CDC73: variants seen among roughly 807,000 people sequenced by gnomAD.
CDC73 encodes the protein parafibromin.
In CDC73, 21 loss-of-function variants were observed where a neutral mutation model predicts 83.7. The ratio of observed to expected loss-of-function variants is 0.25; its 90% CI spans 0.18 to 0.36. CDC73 has a LOEUF of 0.36. Among genes scored for constraint, CDC73 ranks in the 10% least tolerant of loss-of-function variants. The pLI, the probability that CDC73 is intolerant of heterozygous loss-of-function variation, is 1.00. For missense variants in CDC73, 342 were observed against 653.3 expected, an observed-to-expected ratio of 0.52 and a Z score of 5.19; for synonymous variants, 224 against 212.9, an observed-to-expected ratio of 1.05 and a Z score of -0.45.
intron 10 of CDC73, among the ~76,000 whole-genome samples, chr1:193,152,790 A>G (rs1337813995): frequency 1.3e-5 from 2 of 151,728 alleles, no homozygotes; most frequent in African/African-American, 4.8e-5. Flanking sequence ...TTATTTATTT[A>G]TTTTTTTGAG....
At chr1:193,155,080 G>T (rs996333952) in intron 10 of CDC73, among the ~76,000 whole-genome samples, 1 of 152,098 alleles carries the variant, frequency 6.6e-6, no homozygotes, top group African/African-American at 2.4e-5. Flanking sequence ...TCAGATTTCT[G>T]TTATATGCAA....
At chr1:193,221,401 T>G (rs1038508817) in intron 13 of CDC73, among the ~76,000 whole-genome samples, 1 of 152,100 alleles carries the variant, frequency 6.6e-6, no homozygotes, top group Admixed American at 6.6e-5. Context: ...TGTTTTTTGT[T>G]TTTTTTGGCA....
At chr1:193,153,730 T>C (rs928152438) in intron 10 of CDC73, among the ~76,000 whole-genome samples, 3 of 152,236 alleles carry the variant, frequency 2.0e-5, no homozygotes, top group Non-Finnish European at 4.4e-5. Context: ...TATTAAATTA[T>C]GTGTAGATTA....
In CDC73 at chr1:193,251,192, A is replaced by G; in HGVS notation, c.*480A>G. On this transcript the variant is annotated 3_prime_UTR_variant, in exon 17 of 17. Transcript: ENST00000367435. ...TGAATCAGAATGTCAACTTGTATGT[A>G]CACTATATCTACACTTACTCATTAT... 1 of 239,242 alleles carries G rather than the reference A, an allele frequency of 4.2e-6. No individual in the cohort carries two copies. The allele number at this position is 239,242 out of a possible 1,614,324, so 14.8% of individuals were successfully genotyped here.
At chr1:193,240,759 T>C (rs1677842840) in intron 15 of CDC73, among the ~76,000 whole-genome samples, 1 of 152,244 alleles carries the variant, frequency 6.6e-6, no homozygotes, top group South Asian at 2.1e-4. Context: ...AAGAATAGTT[T>C]GCAGATATTT....
At chr1:193,188,443 G>A (rs1159839097) in intron 10 of CDC73, among the ~76,000 whole-genome samples, 1 of 150,924 alleles carries the variant, frequency 6.6e-6, no homozygotes, top group Admixed American at 6.6e-5. Flanking sequence ...GAAATTGTGG[G>A]ATTTTTTTTT....
chr1:193,163,399 C>G (rs1676376879), intron 10 of CDC73, among the ~76,000 whole-genome samples: 1 of 151,772 alleles, frequency 6.6e-6, no homozygotes, highest in South Asian at 2.1e-4. Flanking sequence ...CTCAGGTACT[C>G]AGGAGGCTGA....
chr1:193,138,666 T>A (rs7551275), intron 6 of CDC73, among the ~76,000 whole-genome samples: 28,905 of 152,080 alleles, frequency 0.19, 2,849 homozygotes, highest in Middle Eastern at 0.24. Flanking sequence ...CTTGAAGTTG[T>A]TTGACAGCTC....
At chr1:193,129,288 G>A (rs1056489221) in intron 2 of CDC73, among the ~76,000 whole-genome samples, 3 of 151,552 alleles carry the variant, frequency 2.0e-5, no homozygotes, top group Admixed American at 2.0e-4. Context: ...GAGCCACTGC[G>A]CCCTGCCTAA....
At chr1:193,175,148 T>C (rs1676580054) in intron 10 of CDC73, among the ~76,000 whole-genome samples, 1 of 152,150 alleles carries the variant, frequency 6.6e-6, no homozygotes, top group Non-Finnish European at 1.5e-5. Context: ...TTTTGGTATA[T>C]AGTACCTTGA....
At chr1:193,123,138 G>A (rs1222788795) in intron 1 of CDC73, among the ~76,000 whole-genome samples, 2 of 152,112 alleles carry the variant, frequency 1.3e-5, no homozygotes. Context: ...AGAACCTTGA[G>A]CTACAACTTC....
chr1:193,197,172 C>A (rs182280067), intron 10 of CDC73, among the ~76,000 whole-genome samples: 2 of 151,134 alleles, frequency 1.3e-5, no homozygotes, highest in Non-Finnish European at 1.5e-5. Context: ...TCTTTTTTTT[C>A]TACATCATTT....
Position 193,251,035 on chromosome 1 carries a change from G to A in CDC73, c.*323G>A, listed in dbSNP as rs1461160623. 8 of 320,238 alleles carry A rather than the reference G, an allele frequency of 2.5e-5. No individual in the cohort carries two copies. Among genetic ancestry groups the A allele is most frequent in the East Asian group, 4.8e-5 (1 of 21,014 alleles). The allele number at this position is 320,238 out of a possible 1,614,324, so 19.8% of individuals were successfully genotyped here. A position where few individuals can be genotyped will look rare whatever the true frequency, so the allele number is the denominator to read the frequency against. On this transcript the variant is annotated 3_prime_UTR_variant, in exon 17 of 17. Coordinates refer to ENST00000367435, the MANE Select transcript of CDC73 (RefSeq NM_024529.5). ...ATGTGTGTATATTTAGAGATTATAA[G>A]GCTCTCTGAGCCATCTTCTGATTTT...
At chr1:193,239,628 AT>A (rs1455460536) in intron 15 of CDC73, among the ~76,000 whole-genome samples, 1 of 152,118 alleles carries the variant, frequency 6.6e-6, no homozygotes. Context: ...GATACATAAT[AT>A]TTGTACATAT....
At chr1:193,215,462 G>T (rs1259247761) in intron 13 of CDC73, among the ~76,000 whole-genome samples, 1 of 152,030 alleles carries the variant, frequency 6.6e-6, no homozygotes, top group Non-Finnish European at 1.5e-5. Flanking sequence ...CAATTTAGTA[G>T]TCTTATTATT....
At chr1:193,122,641 A>G (rs1238756161) in intron 1 of CDC73, 2 of 339,462 alleles carry the variant, frequency 5.9e-6, no homozygotes, top group Non-Finnish European at 1.1e-5. Context: ...ACTGGTGCGC[A>G]AGGGATACCT....
At chr1:193,220,893 A>G (rs1006957581) in intron 13 of CDC73, among the ~76,000 whole-genome samples, 2 of 152,212 alleles carry the variant, frequency 1.3e-5, no homozygotes, top group Non-Finnish European at 2.9e-5. Flanking sequence ...ACAGAAATGG[A>G]TCACATTAAC....
chr1:193,236,726 C>T, intron 15 of CDC73: 1 of 265,208 alleles, frequency 3.8e-6, no homozygotes, highest in South Asian at 4.0e-5. Flanking sequence ...GAAACCCTGT[C>T]TCTACTAAAA....
intron 15 of CDC73, chr1:193,236,761 G>A: frequency 4.3e-6 from 1 of 235,154 alleles, no homozygotes; most frequent in Non-Finnish European, 8.5e-6. Flanking sequence ...GGGCATGGTG[G>A]TGCACACCTG....
Sources: gnomAD v4.1 joint callset for allele counts (sites outside exome capture counted in the v4.1 genomes callset) on GRCh38, gnomAD v4.1.1 for gene constraint, MANE v1.5 for transcripts, NCBI Gene and HGNC (gene_info 2026-07-23, HGNC 2026-07-21) for gene names.